NFYB: variants seen among roughly 807,000 people sequenced by gnomAD.
The protein encoded by NFYB is nuclear transcription factor Y subunit beta.
NFYB carries 13 observed loss-of-function variants against 28.0 expected under a neutral mutation model. That is an observed-to-expected ratio of 0.46 (90% CI 0.30 to 0.74). NFYB has a LOEUF of 0.74. Ranked by LOEUF, NFYB falls within the 30% of genes least tolerant of loss-of-function variation. The pLI, the probability that NFYB is intolerant of heterozygous loss-of-function variation, is 0.07. For synonymous variants in NFYB, 74 were observed against 75.0 expected (o/e 0.99, Z 0.07); for missense variants, 142 against 247.6 (o/e 0.57, Z 2.86).
intron 2 of NFYB, chr12:104,131,006 T>C (rs1185812575): frequency 1.3e-5 from 2 of 152,146 alleles, no homozygotes; most frequent in African/African-American, 2.4e-5. Flanking sequence ...TCTTTTAAAA[T>C]TGGCTATGAG....
At chr12:104,125,982 A>G (rs2030695622) in intron 4 of NFYB, 132 bp downstream of exon 4, 3 of 948,584 alleles carry the variant, frequency 3.2e-6, no homozygotes, top group Non-Finnish European at 4.5e-6. Context: ...GTATGTAGAC[A>G]TGAAAGAAAT....
Position 104,121,266 on chromosome 12 carries a change from C to G in NFYB, c.485G>C (p.Ser162Thr). Residue 162 changes from serine to threonine, a missense_variant, in exon 6 of 8, where the codon AGT becomes ACT. Around this residue, in one of 2 missense-constraint regions of NFYB, gnomAD observed 88 missense variants for 189.5 expected, o/e 0.46. Coordinates refer to ENST00000240055, the MANE Select transcript of NFYB (RefSeq NM_006166.4). Reference sequence around the variant, plus strand: ...AAATGCCTCCTCTGTAAGCTCTTCACTTAGTCCATCTGTAGCTGTGACTGC... The same window carrying G: ...AAATGCCTCCTCTGTAAGCTCTTCAGTTAGTCCATCTGTAGCTGTGACTGC... ...GGAVTATDGL[S>T]EELTEEAFTN... is the part of the protein sequence containing the mutation. The G allele has an allele frequency of 6.2e-7, 1 of 1,612,730 alleles. No homozygotes were observed. Among genetic ancestry groups the G allele is most frequent in the Non-Finnish European group, 8.5e-7 (1 of 1,179,540 alleles).
chr12:104,125,062 A>T (rs895909592), intron 4 of NFYB, among the ~76,000 whole-genome samples: 3 of 152,196 alleles, frequency 2.0e-5, no homozygotes, highest in Non-Finnish European at 4.4e-5. Context: ...AAGTTCTAAG[A>T]AGACAAAACT....
chr12:104,120,261 G>T, intron 7 of NFYB, 139 bp downstream of exon 7: 2 of 603,484 alleles, frequency 3.3e-6, no homozygotes, highest in Non-Finnish European at 6.0e-6. Context: ...CACCATGTTG[G>T]CCAGGCTGGT....
intron 5 of NFYB, among the ~76,000 whole-genome samples, chr12:104,122,252 A>G (rs2030504094): frequency 6.6e-6 from 1 of 152,232 alleles, no homozygotes; most frequent in Non-Finnish European, 1.5e-5. Context: ...TAATCTGTCC[A>G]AGGCCACAGA....
intron 1 of NFYB, among the ~76,000 whole-genome samples, chr12:104,136,686 C>T (rs1392418856): frequency 6.6e-6 from 1 of 152,076 alleles, no homozygotes; most frequent in Admixed American, 6.6e-5. Flanking sequence ...AGTCATACCA[C>T]ACCACACTCA....
intron 2 of NFYB, among the ~76,000 whole-genome samples, chr12:104,134,180 T>C (rs191483898): frequency 6.6e-6 from 1 of 152,340 alleles, no homozygotes; most frequent in East Asian, 1.9e-4. Context: ...CTTTCTTCCC[T>C]TATTTTCTTA....
At position 104,126,233 on chromosome 12, in the gene NFYB, T is replaced by G; in HGVS notation, c.112A>C (p.Ser38Arg). The stretch of plus-strand genomic sequence containing the variant: ...TTTGTGTCTTCATGATCATTCATGC[T>G]GTCCTCAGTATCTAAAGAAATAAAA... ...VIQPHDDTED[S>R]MNDHEDTNGS... The change falls in exon 4 of 8, where the codon AGC (serine) becomes CGC (arginine). Residue 38 changes from serine to arginine, a missense_variant. By Grantham distance (110) the Ser-to-Arg change is moderately radical (BLOSUM62 -1). This residue lies in a region of NFYB where 54 missense variants were observed against 58.1 expected (regional missense o/e 0.93). Coordinates refer to ENST00000240055, the MANE Select transcript of NFYB (RefSeq NM_006166.4). The G allele has an allele frequency of 6.3e-7, 1 of 1,586,294 alleles. No individual in the cohort carries two copies. Among genetic ancestry groups the G allele is most frequent in the Non-Finnish European group, 8.6e-7 (1 of 1,169,556 alleles).
rs1006619660 is a variant in NFYB, at chr12:104,118,947, T to C, written c.*790A>G. 4 of 152,192 alleles carry C rather than the reference T, an allele frequency of 2.6e-5. No homozygotes were observed. The highest frequency in any genetic ancestry group is 9.7e-5 in the African/African-American group (4 of 41,442). 9.4% of individuals were successfully genotyped at this position (152,192 alleles called of 1,614,324 possible). A position where few individuals can be genotyped will look rare whatever the true frequency, so the allele number is the denominator to read the frequency against. On this transcript the variant is annotated 3_prime_UTR_variant, in exon 8 of 8. Transcript: ENST00000240055. Reference sequence around the variant, plus strand: ...ATTTGAAAAAAAATCATGTACCAAATGAAAGGGGCACCATTTCAAGAGCAC... The same window carrying C: ...ATTTGAAAAAAAATCATGTACCAAACGAAAGGGGCACCATTTCAAGAGCAC...
intron 2 of NFYB, chr12:104,131,150 T>C (rs936494575): frequency 6.6e-6 from 1 of 152,256 alleles, no homozygotes; most frequent in Non-Finnish European, 1.5e-5. Flanking sequence ...AACATGATTA[T>C]CATTTGGACT....
rs1416441149 is a variant in NFYB, at chr12:104,135,480, G to A, written c.-27C>T. ...AAATACTGTCAGAACCGTGTTGTCAGTGGTGCTGAAGAACACCTATCTAAA... is the reference window on the plus strand; with the variant it reads ...AAATACTGTCAGAACCGTGTTGTCAATGGTGCTGAAGAACACCTATCTAAA... On this transcript the variant is annotated 5_prime_UTR_variant, in exon 2 of 8. Coordinates refer to ENST00000240055, the MANE Select transcript of NFYB (RefSeq NM_006166.4). 6.3e-7 allele frequency: 1 copy of A among 1,576,894 alleles called. No individual in the cohort carries two copies. Among genetic ancestry groups the A allele is most frequent in the South Asian group, 1.2e-5 (1 of 84,540 alleles).
At chr12:104,136,168 G>A (rs1370894187) in intron 1 of NFYB, among the ~76,000 whole-genome samples, 6 of 152,074 alleles carry the variant, frequency 3.9e-5, no homozygotes, top group Non-Finnish European at 7.4e-5. Context: ...AAATTGCATC[G>A]AAATAGCACT....
intron 6 of NFYB, 69 bp from the exon 7 acceptor site, chr12:104,120,548 T>G: frequency 9.2e-7 from 1 of 1,091,194 alleles, no homozygotes; most frequent in South Asian, 1.3e-5. Flanking sequence ...TATCTTAAGG[T>G]TGTACCATTA....
intron 4 of NFYB, 117 bp downstream of exon 4, chr12:104,125,997 G>T: frequency 5.7e-6 from 6 of 1,055,086 alleles, no homozygotes; most frequent in Admixed American, 2.9e-5. Flanking sequence ...AGAAATATTT[G>T]ATTTGCTGAA....
rs76328602 is a variant in NFYB, at chr12:104,122,314, G to A, written c.429+912C>T. Among the ~76,000 whole-genome samples the A allele has an allele frequency of 8.4e-4, 128 of 152,306 alleles. 1 individual carries two copies. In the East Asian group the frequency reaches 0.022, roughly 26 times the overall value. On this transcript the variant is annotated intron_variant, in intron 5 of 7. Transcript: ENST00000240055. The stretch of plus-strand genomic sequence containing the variant: ...AGCCTCCTGGTAGTCTGAATACAAA[G>A]TCTGTGCCCTTAAATCATTATATAA...
chr12:104,125,791 T>C (rs1327077548), intron 4 of NFYB, among the ~76,000 whole-genome samples: 1 of 135,530 alleles, frequency 7.4e-6, no homozygotes, highest in African/African-American at 2.8e-5. Context: ...GAGGTTGCAG[T>C]GAGCGGAGAT....
chr12:104,132,270 G>A (rs878983623), intron 2 of NFYB, among the ~76,000 whole-genome samples: 5 of 152,122 alleles, frequency 3.3e-5, no homozygotes, highest in Admixed American at 6.5e-5. Context: ...GGTGGGAAAC[G>A]AATGTTCTAG....
chr12:104,137,137 C>T (rs968612307), intron 1 of NFYB, among the ~76,000 whole-genome samples: 2 of 152,184 alleles, frequency 1.3e-5, no homozygotes, highest in African/African-American at 4.8e-5. Flanking sequence ...ATTTGTAGCA[C>T]GAACCACGCA....
intron 6 of NFYB, 45 bp from the exon 7 acceptor site, chr12:104,120,524 A>C: frequency 1.5e-6 from 2 of 1,337,050 alleles, no homozygotes; most frequent in Non-Finnish European, 2.2e-6. Flanking sequence ...AACTATATCT[A>C]CTTTCTTGGG....
Sources: gnomAD v4.1 joint callset for allele counts (sites outside exome capture counted in the v4.1 genomes callset) on GRCh38, gnomAD v4.1.1 for gene constraint, gnomAD v4.1.1 regional missense constraint, MANE v1.5 for transcripts, NCBI Gene and HGNC (gene_info 2026-07-23, HGNC 2026-07-21) for gene names.